HK1: variants seen among roughly 807,000 people sequenced by gnomAD.
HK1 encodes hexokinase 1.
Under a neutral mutation model 91.6 loss-of-function variants are expected in HK1, and 28 were observed. The observed-to-expected ratio is 0.31, with a 90% CI of 0.23 to 0.42. The LOEUF (loss-of-function observed/expected upper bound fraction) is 0.42, where lower values mean the gene tolerates loss of function less well. Among genes scored for constraint, HK1 ranks in the 10% least tolerant of loss-of-function variants. HK1 has a pLI of 1.00. For synonymous variants in HK1, 430 were observed against 468.1 expected (o/e 0.92, Z 1.05); for missense variants, 770 against 1,219.8 (o/e 0.63, Z 5.49).
chr10:69,279,076 C>T (rs1048360524), intron 1 of HK1, among the ~76,000 whole-genome samples: 1 of 152,148 alleles, frequency 6.6e-6, no homozygotes, highest in Non-Finnish European at 1.5e-5. Flanking sequence ...GTTTTGTTTT[C>T]GTCGATGCTA....
At chr10:69,362,574 A>G (rs1372049071) in intron 3 of HK1, among the ~76,000 whole-genome samples, 1 of 151,880 alleles carries the variant, frequency 6.6e-6, no homozygotes, top group Non-Finnish European at 1.5e-5. Flanking sequence ...ACCCTGGATC[A>G]CCAGCACTCC....
rs150977497 is a variant in HK1 at position 69,382,598 on chromosome 10, G to A, written c.1377G>A (p.Val459=). Residue 459 remains valine (V), a synonymous_variant, in exon 10 of 18, where the codon GTG becomes GTA. Coordinates refer to ENST00000359426, the MANE Select transcript of HK1 (RefSeq NM_000188.3). ...SGKGAAMVTA[V]AYRLAEQHRQ... ...AGGGGGCTGCCATGGTGACGGCGGT[G>A]GCCTACCGCTTGGCCGAGCAGCACC... The A allele has an allele frequency of 1.2e-6, 2 of 1,614,202 alleles. No homozygotes were observed. Among genetic ancestry groups the A allele is most frequent in the Non-Finnish European group, 1.7e-6 (2 of 1,180,038 alleles).
chr10:69,270,067 T>G (rs1055741204), exon 1 of HK1: 1 of 152,246 alleles, frequency 6.6e-6, no homozygotes, highest in African/African-American at 2.4e-5. Context: ...GAGGGTTAAC[T>G]TCTCAAAGTT....
At chr10:69,389,648 G>A (rs1050219363) in intron 14 of HK1, among the ~76,000 whole-genome samples, 31 of 152,136 alleles carry the variant, frequency 2.0e-4, no homozygotes, top group African/African-American at 7.0e-4. Context: ...CTTGTATGGA[G>A]GGGCTCTGGT....
intron 3 of HK1, among the ~76,000 whole-genome samples, chr10:69,289,860 A>T (rs1225979796): frequency 6.7e-6 from 1 of 149,006 alleles, no homozygotes; most frequent in Non-Finnish European, 1.5e-5. Context: ...GCTTCAAGTG[A>T]TCCTCCCACC....
intron 15 of HK1, among the ~76,000 whole-genome samples, chr10:69,393,076 G>A (rs1839976540): frequency 6.6e-6 from 1 of 152,184 alleles, no homozygotes; most frequent in African/African-American, 2.4e-5. Context: ...CCACCTCCCG[G>A]GTTCAAGCAG....
intron 1 of HK1, among the ~76,000 whole-genome samples, chr10:69,336,637 CTTTTTTTTTTT>C (rs56893382): frequency 8.8e-6 from 1 of 114,174 alleles, no homozygotes; most frequent in Non-Finnish European, 1.8e-5. Context: ...TGGTAGATGC[CTTTTTTTTTTT>C]TTTTTTTTTG....
chr10:69,401,207 C>G lies in HK1; in HGVS notation c.*72C>G. On this transcript the variant is annotated 3_prime_UTR_variant, in exon 18 of 18. Transcript: ENST00000359426. ...AAGCGGCGACCCCCTACCCTCCCAG[C>G]GAGTTGCGCTGGGAGACGCTGGCGC... is the stretch of plus-strand genomic sequence containing the variant. 3 of 1,544,510 alleles carry G rather than the reference C, an allele frequency of 1.9e-6. No homozygotes were observed. Among genetic ancestry groups the G allele is most frequent in the Non-Finnish European group, 2.6e-6 (3 of 1,143,226 alleles).
At chr10:69,332,456 G>C (rs1408987363) in intron 1 of HK1, among the ~76,000 whole-genome samples, 1 of 151,402 alleles carries the variant, frequency 6.6e-6, no homozygotes, top group Non-Finnish European at 1.5e-5. Flanking sequence ...TTGACTCACC[G>C]CAACCTCTGC....
chr10:69,291,893 T>C (rs1238745187), intron 3 of HK1, among the ~76,000 whole-genome samples: 1 of 152,178 alleles, frequency 6.6e-6, no homozygotes, highest in Non-Finnish European at 1.5e-5. Flanking sequence ...TGGAAGTATC[T>C]GCAAGCCTTC....
Position 69,363,505 on chromosome 10 carries a change from A to C in HK1, c.376-1278A>C, listed in dbSNP as rs562229479. On this transcript the variant is annotated intron_variant, in intron 3 of 17. Coordinates refer to ENST00000359426, the MANE Select transcript of HK1 (RefSeq NM_000188.3). ...GGGATCATCTCATCTCAGCCTCCCA[A>C]GTAGCTAGGACTACAGGCATGTGCC... Among the ~76,000 whole-genome samples the C allele has an allele frequency of 2.0e-5, 3 of 152,266 alleles. No homozygotes were observed. The East Asian group carries it at 5.8e-4, about 29-fold the overall frequency.
chr10:69,356,529 C>T (rs1564537158), intron 2 of HK1, among the ~76,000 whole-genome samples: 2 of 152,120 alleles, frequency 1.3e-5, no homozygotes, highest in African/African-American at 4.8e-5. Context: ...ATTTGCCAGT[C>T]ATATGTCTGA....
chr10:69,295,418 G>T (rs1211846681), intron 3 of HK1, among the ~76,000 whole-genome samples: 1 of 152,192 alleles, frequency 6.6e-6, no homozygotes, highest in Non-Finnish European at 1.5e-5. Flanking sequence ...CCTAGTGTTT[G>T]TGTGAATAAA....
intron 2 of HK1, among the ~76,000 whole-genome samples, chr10:69,288,326 T>C (rs1251924232): frequency 2.0e-5 from 3 of 152,024 alleles, no homozygotes; most frequent in Non-Finnish European, 4.4e-5. Context: ...GCCAGAAACC[T>C]TGACTGGGTG....
chr10:69,379,745 C>A, intron 8 of HK1, 117 bp from the exon 9 acceptor site: 1 of 808,312 alleles, frequency 1.2e-6, no homozygotes. Context: ...CCATACCATC[C>A]CATACCATCC....
intron 2 of HK1, among the ~76,000 whole-genome samples, chr10:69,287,047 A>G (rs1443965346): frequency 1.3e-5 from 2 of 152,200 alleles, no homozygotes; most frequent in African/African-American, 4.8e-5. Context: ...CTATAAAGAA[A>G]TGGCCCTCAA....
intron 2 of HK1, among the ~76,000 whole-genome samples, chr10:69,285,605 G>C (rs1456537639): frequency 6.6e-6 from 1 of 152,200 alleles, no homozygotes; most frequent in African/African-American, 2.4e-5. Flanking sequence ...GATGGTGCCT[G>C]TGCCAGATTT....
intron 1 of HK1, among the ~76,000 whole-genome samples, chr10:69,327,631 A>G (rs771334073): frequency 1.3e-5 from 2 of 152,104 alleles, no homozygotes; most frequent in Non-Finnish European, 2.9e-5. Flanking sequence ...GCGTTTTCCC[A>G]TATACGAGAT....
chr10:69,371,765 C>T (rs1850018112), intron 7 of HK1, among the ~76,000 whole-genome samples: 2 of 152,082 alleles, frequency 1.3e-5, no homozygotes, highest in Non-Finnish European at 2.9e-5. Flanking sequence ...AACTGTATCC[C>T]AAGGCTAAAC....
Sources: allele counts gnomAD v4.1 joint callset (sites outside exome capture counted in the v4.1 genomes callset), GRCh38; gene constraint gnomAD v4.1.1; transcripts MANE v1.5; gene names NCBI Gene and HGNC (gene_info 2026-07-23, HGNC 2026-07-21).